EDIL3: variants seen among roughly 807,000 people sequenced by gnomAD.
EDIL3 encodes the protein EGF like and discoidin domains 3, also known as EGF-like repeat and discoidin I-like domain-containing protein 3.
In EDIL3, 37 loss-of-function variants were observed where a neutral mutation model predicts 67.4. The observed-to-expected ratio is 0.55, with a 90% CI of 0.42 to 0.72. The LOEUF is 0.72. Ranked by LOEUF, EDIL3 falls within the 30% of genes least tolerant of loss-of-function variation. The pLI is 0.00. For synonymous variants in EDIL3, 195 were observed against 196.3 expected, an observed-to-expected ratio of 0.99 and a Z score of 0.05; for missense variants, 527 against 586.3, an observed-to-expected ratio of 0.90 and a Z score of 1.04.
intron 1 of EDIL3, among the ~76,000 whole-genome samples, chr5:84,338,589 C>A: frequency 6.6e-6 from 1 of 152,118 alleles, no homozygotes; most frequent in East Asian, 1.9e-4. Context: ...TAACTAGGAA[C>A]TAACATGCTG....
intron 3 of EDIL3, among the ~76,000 whole-genome samples, chr5:84,186,397 G>A (rs1743451022): frequency 6.6e-6 from 1 of 151,986 alleles, no homozygotes; most frequent in Non-Finnish European, 1.5e-5. Flanking sequence ...GTCTCTGCTA[G>A]TAATTTGGGA....
chr5:84,356,445 A>T (rs1747481872), intron 1 of EDIL3, among the ~76,000 whole-genome samples: 1 of 152,226 alleles, frequency 6.6e-6, no homozygotes, highest in Non-Finnish European at 1.5e-5. Flanking sequence ...TGCCTTCAGC[A>T]GCTGCTAGAA....
At chr5:84,303,794 GTC>G (rs374460298) in intron 1 of EDIL3, among the ~76,000 whole-genome samples, 157 of 138,906 alleles carry the variant, frequency 1.1e-3, no homozygotes, top group African/African-American at 3.3e-3. Flanking sequence ...TGAACAGCAT[GTC>G]TCTCTCTCTC....
intron 3 of EDIL3, among the ~76,000 whole-genome samples, chr5:84,198,521 C>T (rs879425553): frequency 1.3e-5 from 2 of 152,002 alleles, no homozygotes; most frequent in African/African-American, 4.8e-5. Context: ...ACATACTCAG[C>T]TATTGTTCTT....
chr5:84,329,397 A>G (rs570081989), intron 1 of EDIL3, among the ~76,000 whole-genome samples: 1 of 152,232 alleles, frequency 6.6e-6, no homozygotes, highest in East Asian at 1.9e-4. Flanking sequence ...AATTTTACAC[A>G]TGTAAGATAT....
At chr5:84,274,780 TACAG>T (rs1745541230) in intron 1 of EDIL3, among the ~76,000 whole-genome samples, 2 of 124,718 alleles carry the variant, frequency 1.6e-5, no homozygotes, top group East Asian at 2.9e-4. Context: ...CACATACACA[TACAG>T]ACACACACAG....
chr5:84,129,438 A>C (rs1256381762), intron 5 of EDIL3, among the ~76,000 whole-genome samples: 1 of 152,024 alleles, frequency 6.6e-6, no homozygotes, highest in Non-Finnish European at 1.5e-5. Context: ...AATGTTATGC[A>C]CCTCAGATTT....
intron 9 of EDIL3, among the ~76,000 whole-genome samples, chr5:84,035,443 TCCC>T (rs1746005178): frequency 2.6e-5 from 4 of 152,254 alleles, no homozygotes; most frequent in Non-Finnish European, 5.9e-5. Context: ...ATAATGGTGA[TCCC>T]TTAAAATTAG....
chr5:83,997,557 C>T (rs1466502255), intron 9 of EDIL3, among the ~76,000 whole-genome samples: 1 of 151,932 alleles, frequency 6.6e-6, no homozygotes, highest in Admixed American at 6.6e-5. Flanking sequence ...ATGTGGAACA[C>T]GTTGAGTTTG....
intron 1 of EDIL3, among the ~76,000 whole-genome samples, chr5:84,372,467 G>A (rs376748597): frequency 5.3e-5 from 8 of 152,036 alleles, no homozygotes; most frequent in East Asian, 1.9e-4. Context: ...AATTAAAACC[G>A]CCAAGCAGAC....
chr5:84,286,360 G>A (rs1644964003), intron 1 of EDIL3, among the ~76,000 whole-genome samples: 1 of 152,026 alleles, frequency 6.6e-6, no homozygotes, highest in Non-Finnish European at 1.5e-5. Context: ...ACGTGAAAGA[G>A]CAGAAGATTT....
At chr5:84,288,204 C>T (rs1306116124) in intron 1 of EDIL3, among the ~76,000 whole-genome samples, 1 of 152,132 alleles carries the variant, frequency 6.6e-6, no homozygotes, top group African/African-American at 2.4e-5. Flanking sequence ...CACTTTCTCT[C>T]ATACCCACAT....
intron 4 of EDIL3, among the ~76,000 whole-genome samples, chr5:84,153,248 C>T (rs1202685621): frequency 6.6e-6 from 1 of 150,480 alleles, no homozygotes; most frequent in Non-Finnish European, 1.5e-5. Flanking sequence ...TGCTACAACA[C>T]CCTTCATATC....
chr5:84,310,230 G>C (rs1746357452), intron 1 of EDIL3, among the ~76,000 whole-genome samples: 1 of 152,096 alleles, frequency 6.6e-6, no homozygotes, highest in Non-Finnish European at 1.5e-5. Context: ...TTAATAAATA[G>C]TTACTGTTAC....
At chr5:84,072,789 TAAG>T (rs1346995913) in intron 6 of EDIL3, among the ~76,000 whole-genome samples, 4 of 151,694 alleles carry the variant, frequency 2.6e-5, no homozygotes, top group African/African-American at 9.7e-5. Flanking sequence ...TTGTAAAACA[TAAG>T]AACAAGAATG....
chr5:84,166,104 A>G (rs766805989), intron 4 of EDIL3, among the ~76,000 whole-genome samples: 13 of 152,108 alleles, frequency 8.5e-5, no homozygotes, highest in Non-Finnish European at 1.8e-4. Flanking sequence ...AATCTTAAAA[A>G]GCTTTAAAAA....
At chr5:84,231,907 G>T (rs1483301618) in intron 2 of EDIL3, among the ~76,000 whole-genome samples, 1 of 152,082 alleles carries the variant, frequency 6.6e-6, no homozygotes, top group Non-Finnish European at 1.5e-5. Context: ...TACACTTATG[G>T]CTGGTCACTT....
At chr5:83,995,977 T>G (rs1027734134) in intron 9 of EDIL3, among the ~76,000 whole-genome samples, 1 of 152,168 alleles carries the variant, frequency 6.6e-6, no homozygotes, top group Admixed American at 6.5e-5. Context: ...ATCTTCATAT[T>G]TTTTCCTGAC....
chr5:84,240,551 T>C (rs1372074647), intron 2 of EDIL3, among the ~76,000 whole-genome samples: 2 of 152,084 alleles, frequency 1.3e-5, no homozygotes, highest in Admixed American at 6.6e-5. Flanking sequence ...CAGCATTAGA[T>C]TCTCATAGGA....
Sources: allele counts gnomAD v4.1 joint callset (sites outside exome capture counted in the v4.1 genomes callset), GRCh38; gene constraint gnomAD v4.1.1; transcripts MANE v1.5; gene names NCBI Gene and HGNC (gene_info 2026-07-23, HGNC 2026-07-21).